The following CCDC148 variants were observed in gnomAD, a reference collection of about 807,000 sequenced individuals.
The protein encoded by CCDC148 is coiled-coil domain containing 148, also known as coiled-coil domain-containing protein 148.
In CCDC148, 89 loss-of-function variants were observed where a neutral mutation model predicts 85.7. That is an observed-to-expected ratio of 1.04 (90% CI 0.87 to 1.24). CCDC148 has a LOEUF of 1.24. CCDC148 is among the 50% of genes most tolerant of loss of function. The pLI is 0.00. For missense variants in CCDC148, 692 were observed against 671.7 expected (o/e 1.03, Z -0.33); for synonymous variants, 230 against 213.9 (o/e 1.08, Z -0.66).
intron 1 of CCDC148, among the ~76,000 whole-genome samples, chr2:158,377,623 T>C (rs1224609262): frequency 6.6e-6 from 1 of 152,066 alleles, no homozygotes; most frequent in Non-Finnish European, 1.5e-5. Context: ...CTTCATTTCA[T>C]TGCACTTCAC....
intron 9 of CCDC148, among the ~76,000 whole-genome samples, chr2:158,308,464 CT>C (rs1186118837): frequency 1.7e-5 from 2 of 118,848 alleles, no homozygotes; most frequent in African/African-American, 6.1e-5. Context: ...AAAGAAATAT[CT>C]TTTTGTTTTA....
At chr2:158,456,342 A>C in intron 1 of CCDC148, 73 bp downstream of exon 1, 1 of 1,506,672 alleles carries the variant, frequency 6.6e-7, no homozygotes, top group Non-Finnish European at 9.2e-7. Flanking sequence ...CAGAGAACAA[A>C]CATAAGTAGG....
intron 1 of CCDC148, among the ~76,000 whole-genome samples, chr2:158,455,515 C>G (rs999320377): frequency 6.6e-6 from 1 of 152,086 alleles, no homozygotes; most frequent in Non-Finnish European, 1.5e-5. Context: ...CAGAACAATA[C>G]TTAGACATAT....
At chr2:158,252,987 G>T (rs1688857353) in intron 9 of CCDC148, among the ~76,000 whole-genome samples, 1 of 151,616 alleles carries the variant, frequency 6.6e-6, no homozygotes, top group African/African-American at 2.4e-5. Context: ...AAATATCCTG[G>T]TTTGGTCTGT....
intron 7 of CCDC148, among the ~76,000 whole-genome samples, chr2:158,325,707 T>C (rs1326292625): frequency 6.6e-6 from 1 of 152,156 alleles, no homozygotes; most frequent in African/African-American, 2.4e-5. Context: ...CAGCCAAAGC[T>C]TGCTTCACAT....
Position 158,220,726 on chromosome 2 carries a change from T to A in CCDC148, c.1252-13A>T. ...AGTATTTTTTTATCTATTGTATAAA[T>A]GTTACATAAAATTTAAATTAACAAC... On this transcript the variant is annotated splice_polypyrimidine_tract_variant and intron_variant, in intron 10 of 13. Transcript: ENST00000283233. 6.5e-7 allele frequency: 1 copy of A among 1,538,608 alleles called. No individual in the cohort carries two copies. Among genetic ancestry groups the A allele is most frequent in the Non-Finnish European group, 8.8e-7 (1 of 1,141,376 alleles).
In CCDC148 at chr2:158,179,894, C is replaced by A. The variant is rs369797211; in HGVS notation, c.1371-898G>T. Among the ~76,000 whole-genome samples, 26 of 152,256 alleles carry A rather than the reference C, an allele frequency of 1.7e-4. No homozygotes were observed. The East Asian group carries it at 5.0e-3, about 29-fold the overall frequency. ...TTCCCTTAGCATTCTATTTCCAACC[C>A]CCTTAAAATCATCGGCTATTAAAAT... is the stretch of plus-strand genomic sequence containing the variant. On this transcript the variant is annotated intron_variant, in intron 11 of 13. Transcript: ENST00000283233.
intron 9 of CCDC148, among the ~76,000 whole-genome samples, chr2:158,251,146 A>C (rs1424069999): frequency 6.6e-6 from 1 of 151,784 alleles, no homozygotes; most frequent in East Asian, 1.9e-4. Context: ...GGATTCATGG[A>C]ATAGGGTTCC....
At chr2:158,338,442 G>GA (rs1682500646) in intron 7 of CCDC148, among the ~76,000 whole-genome samples, 1 of 152,120 alleles carries the variant, frequency 6.6e-6, no homozygotes, top group African/African-American at 2.4e-5. Context: ...TGTGGTTACT[G>GA]AAAATTCATA....
At chr2:158,264,883 A>G (rs2105156197) in intron 9 of CCDC148, among the ~76,000 whole-genome samples, 1 of 152,254 alleles carries the variant, frequency 6.6e-6, no homozygotes, top group East Asian at 1.9e-4. Flanking sequence ...GTAGATAAAC[A>G]CTAGAATAAC....
chr2:158,312,470 T>A (rs974922164), intron 8 of CCDC148, among the ~76,000 whole-genome samples: 1 of 150,954 alleles, frequency 6.6e-6, no homozygotes, highest in Non-Finnish European at 1.5e-5. Flanking sequence ...TAGTCCCAGC[T>A]ACTCTGGAGG....
At chr2:158,212,540 G>A (rs988482963) in intron 11 of CCDC148, among the ~76,000 whole-genome samples, 6 of 151,964 alleles carry the variant, frequency 3.9e-5, no homozygotes, top group South Asian at 2.1e-4. Flanking sequence ...AGATTCGCAA[G>A]GCCAATTTAG....
chr2:158,434,660 G>A (rs1450559454), intron 1 of CCDC148, among the ~76,000 whole-genome samples: 6 of 151,826 alleles, frequency 4.0e-5, no homozygotes, highest in Admixed American at 2.6e-4. Context: ...TCAGACGATC[G>A]GTAATAACAA....
chr2:158,216,478 C>T (rs186909250), intron 11 of CCDC148, among the ~76,000 whole-genome samples: 74 of 148,282 alleles, frequency 5.0e-4, no homozygotes, highest in African/African-American at 1.8e-3. Context: ...CTCACTGCAA[C>T]CTCCGCCTCC....
intron 1 of CCDC148, among the ~76,000 whole-genome samples, chr2:158,452,307 T>A (rs1332172263): frequency 6.6e-6 from 1 of 152,132 alleles, no homozygotes; most frequent in African/African-American, 2.4e-5. Flanking sequence ...AGGAAACGTA[T>A]GATAAATAAG....
chr2:158,217,335 T>C (rs1686917819), intron 11 of CCDC148, among the ~76,000 whole-genome samples: 1 of 62,304 alleles, frequency 1.6e-5, no homozygotes, highest in Admixed American at 2.4e-4. Context: ...TATAATTTTG[T>C]GTATATATAT....
At chr2:158,385,526 C>T (rs1463619484) in intron 1 of CCDC148, among the ~76,000 whole-genome samples, 1 of 152,120 alleles carries the variant, frequency 6.6e-6, no homozygotes, top group Non-Finnish European at 1.5e-5. Flanking sequence ...AGCAAAATAA[C>T]ATTCCAATTA....
chr2:158,214,511 A>G (rs757832042), intron 11 of CCDC148, among the ~76,000 whole-genome samples: 7 of 152,244 alleles, frequency 4.6e-5, no homozygotes, highest in Non-Finnish European at 1.0e-4. Flanking sequence ...TGAAAATAAA[A>G]TAACTAAAGC....
chr2:158,300,064 T>C (rs1430057037), intron 9 of CCDC148, among the ~76,000 whole-genome samples: 1 of 152,194 alleles, frequency 6.6e-6, no homozygotes, highest in Non-Finnish European at 1.5e-5. Context: ...ATTTTATGGG[T>C]AGTCAGGTTT....
Sources: allele counts gnomAD v4.1 joint callset (sites outside exome capture counted in the v4.1 genomes callset), GRCh38; gene constraint gnomAD v4.1.1; transcripts MANE v1.5; gene names NCBI Gene and HGNC (gene_info 2026-07-23, HGNC 2026-07-21).